Variants in CLPTM1L observed in about 807,000 individuals in gnomAD.
The protein encoded by CLPTM1L is lipid scramblase CLPTM1L.
A neutral mutation model predicts 70.9 loss-of-function variants in CLPTM1L; 38 were observed. The ratio of observed to expected loss-of-function variants is 0.54; its 90% CI spans 0.41 to 0.70. CLPTM1L has a LOEUF of 0.70. CLPTM1L is among the 30% of genes least tolerant of loss of function. The pLI is 0.00. For synonymous variants in CLPTM1L, 339 were observed against 299.9 expected, an observed-to-expected ratio of 1.13 and a Z score of -1.35; for missense variants, 652 against 705.9, an observed-to-expected ratio of 0.92 and a Z score of 0.87.
At chr5:1,341,560 C>T in intron 3 of CLPTM1L, 111 bp downstream of exon 3, 2 of 904,314 alleles carry the variant, frequency 2.2e-6, no homozygotes, top group Non-Finnish European at 3.4e-6. Context: ...TTTGGCTTTA[C>T]TCCCAACAAA....
In CLPTM1L at chr5:1,342,979, T is replaced by C. The variant is rs970175797; in HGVS notation, c.264-1119A>G. Among the ~76,000 whole-genome samples the C allele has an allele frequency of 2.4e-4, 36 of 152,146 alleles. 1 individual carries two copies. Among genetic ancestry groups the C allele is most frequent in the Non-Finnish European group, 4.4e-5 (3 of 68,016 alleles). Reference sequence around the variant, plus strand: ...AGGCCGAGCCGGGCAGATCACGAGGTCAGGAGTTTCAGACCAGCCCAGCCA... The same window carrying C: ...AGGCCGAGCCGGGCAGATCACGAGGCCAGGAGTTTCAGACCAGCCCAGCCA... On this transcript the variant is annotated intron_variant, in intron 2 of 16. Coordinates refer to ENST00000320895, the MANE Select transcript of CLPTM1L (RefSeq NM_030782.5). The surrounding 1 kb of genome is among the most constrained non-coding windows in gnomAD (Gnocchi z 4.3).
chr5:1,325,824 G>C lies in CLPTM1L; in HGVS notation c.1081-8C>G. ...CTTCTTCACTTTCCACAGCTGAGGG[G>C]AGAAATCAGGAAATAGTTCCTTTAA... On this transcript the variant is annotated splice_region_variant and splice_polypyrimidine_tract_variant and intron_variant, in intron 9 of 16. Coordinates refer to ENST00000320895, the MANE Select transcript of CLPTM1L (RefSeq NM_030782.5). 1 of 1,612,982 alleles carries C rather than the reference G, an allele frequency of 6.2e-7. No individual in the cohort carries two copies. Among genetic ancestry groups the C allele is most frequent in the Non-Finnish European group, 8.5e-7 (1 of 1,179,082 alleles).
At chr5:1,336,196 T>C (rs995800799) in intron 5 of CLPTM1L, among the ~76,000 whole-genome samples, 14 of 152,198 alleles carry the variant, frequency 9.2e-5, no homozygotes, top group African/African-American at 3.1e-4. Context: ...GCCTCCTCCA[T>C]CTGGCAGTGC....
At chr5:1,330,002 G>A (rs1204847287) in intron 9 of CLPTM1L, among the ~76,000 whole-genome samples, 2 of 149,548 alleles carry the variant, frequency 1.3e-5, no homozygotes, top group Non-Finnish European at 3.0e-5. Flanking sequence ...AGAGCCTCAG[G>A]ACTATCTGCT....
At chr5:1,334,971 C>A (rs955341394) in intron 6 of CLPTM1L, 86 bp downstream of exon 6, 1 of 958,548 alleles carries the variant, frequency 1.0e-6, no homozygotes, top group Non-Finnish European at 1.6e-6. Context: ...GGCGAGGAGG[C>A]CCCGGCCTGT....
At chr5:1,341,363 C>T (rs1031628223) in intron 3 of CLPTM1L, among the ~76,000 whole-genome samples, 14 of 152,198 alleles carry the variant, frequency 9.2e-5, no homozygotes, top group Admixed American at 5.2e-4. Context: ...GCAGGACCAG[C>T]GCTCCATCCC....
At chr5:1,333,889 C>G (rs922522944) in intron 7 of CLPTM1L, among the ~76,000 whole-genome samples, 2 of 152,082 alleles carry the variant, frequency 1.3e-5, no homozygotes, top group Admixed American at 6.5e-5. Context: ...GAACTACTTT[C>G]TGCTAGAGGC....
chr5:1,335,189 C>T lies in CLPTM1L; in HGVS notation c.679-15G>A, dbSNP rs764254657. On this transcript the variant is annotated splice_polypyrimidine_tract_variant and intron_variant, in intron 5 of 16. Coordinates refer to ENST00000320895, the MANE Select transcript of CLPTM1L (RefSeq NM_030782.5). The stretch of plus-strand genomic sequence containing the variant: ...CGGTTTATGACCTGATGAAGAAAGC[C>T]ACACTGAGGGCCCTGCCCTCATACC... 17 of 1,602,348 alleles carry T rather than the reference C, an allele frequency of 1.1e-5. No homozygotes were observed. The highest frequency in any genetic ancestry group is 3.3e-4 in the Middle Eastern group (2 of 6,068).
intron 5 of CLPTM1L, among the ~76,000 whole-genome samples, chr5:1,336,511 T>A (rs462608): frequency 0.43 from 65,429 of 152,106 alleles, 14,840 homozygotes; most frequent in African/African-American, 0.55. Context: ...CACCATCTCC[T>A]GAATGCCTGC....
chr5:1,325,677 T>C, intron 10 of CLPTM1L, 74 bp downstream of exon 10: 2 of 1,294,006 alleles, frequency 1.5e-6, no homozygotes, highest in Non-Finnish European at 2.2e-6. Flanking sequence ...GATGGCCATC[T>C]TACTCTTTGC....
chr5:1,333,648 C>T (rs1412647346), intron 7 of CLPTM1L, among the ~76,000 whole-genome samples: 3 of 106,124 alleles, frequency 2.8e-5, no homozygotes, highest in Non-Finnish European at 5.3e-5. Flanking sequence ...AGGGGGACTA[C>T]TGTATACACA....
intron 8 of CLPTM1L, chr5:1,330,997 T>C: frequency 6.5e-6 from 1 of 152,808 alleles, no homozygotes; most frequent in Non-Finnish European, 1.5e-5. Context: ...CTTGGGCGTC[T>C]TTTCCATGCG....
At chr5:1,325,040 G>A (rs1362084342) in intron 10 of CLPTM1L, 9 of 595,722 alleles carry the variant, frequency 1.5e-5, no homozygotes, top group Admixed American at 2.9e-5. Flanking sequence ...TGGGGGCAAC[G>A]CGGCCTCACT....
chr5:1,344,473 G>T, intron 1 of CLPTM1L, 22 bp from the exon 2 acceptor site: 1 of 1,600,428 alleles, frequency 6.2e-7, no homozygotes, highest in Non-Finnish European at 8.6e-7. Context: ...GGGGCGTCGA[G>T]AGTCAGCTCG....
chr5:1,321,489 G>T, intron 15 of CLPTM1L, 146 bp downstream of exon 15: 2 of 708,330 alleles, frequency 2.8e-6, no homozygotes, highest in South Asian at 3.5e-5. Flanking sequence ...TTTTTTTAAA[G>T]GAGCCTCCTC....
chr5:1,320,569 A>C (rs1752090844), intron 16 of CLPTM1L, 47 bp downstream of exon 16: 2 of 1,052,918 alleles, frequency 1.9e-6, no homozygotes, highest in Admixed American at 2.7e-5. Context: ...AGCAGCAGCC[A>C]CGCCGCTGAG....
At chr5:1,339,516 G>A (rs416536) in intron 3 of CLPTM1L, among the ~76,000 whole-genome samples, 343 of 89,484 alleles carry the variant, frequency 3.8e-3, no homozygotes, top group African/African-American at 9.0e-3. Context: ...GGGACAGCAG[G>A]GTCAGCGCCC....
intron 7 of CLPTM1L, 68 bp downstream of exon 7, chr5:1,334,221 C>A: frequency 1.7e-6 from 2 of 1,194,436 alleles, no homozygotes; most frequent in Non-Finnish European, 2.5e-6. Flanking sequence ...TCCAGGACCC[C>A]TGCAGGAGGC....
intron 5 of CLPTM1L, among the ~76,000 whole-genome samples, chr5:1,336,882 A>C (rs940338438): frequency 7.2e-5 from 11 of 152,192 alleles, no homozygotes; most frequent in African/African-American, 2.7e-4. Flanking sequence ...AGTCAGGAGG[A>C]GGCAGCAGGG....
Sources: allele counts gnomAD v4.1 joint callset (sites outside exome capture counted in the v4.1 genomes callset), GRCh38; gene constraint gnomAD v4.1.1; non-coding constraint Gnocchi (gnomAD v3.1); transcripts MANE v1.5; gene names NCBI Gene and HGNC (gene_info 2026-07-23, HGNC 2026-07-21).